TAFA4: variants seen among roughly 807,000 people sequenced by gnomAD.
TAFA4 encodes the protein TAFA chemokine like family member 4, also known as chemokine-like protein TAFA-4.
Under a neutral mutation model 21.1 loss-of-function variants are expected in TAFA4, and 20 were observed. The observed-to-expected ratio is 0.95, with a 90% CI of 0.67 to 1.38. TAFA4 has a LOEUF of 1.38. TAFA4 is among the 40% of genes most tolerant of loss of function. The pLI is 0.00. For synonymous variants in TAFA4, 71 were observed against 67.4 expected (o/e 1.05, Z -0.26); for missense variants, 211 against 180.9 (o/e 1.17, Z -0.95).
intron 3 of TAFA4, among the ~76,000 whole-genome samples, chr3:68,778,145 T>G (rs923726407): frequency 6.6e-6 from 1 of 152,132 alleles, no homozygotes; most frequent in Non-Finnish European, 1.5e-5. Context: ...TTGCTGTCTA[T>G]AAGAAACCCA....
At chr3:68,830,295 G>C (rs1282481328) in intron 3 of TAFA4, among the ~76,000 whole-genome samples, 1 of 152,154 alleles carries the variant, frequency 6.6e-6, no homozygotes, top group East Asian at 1.9e-4. Context: ...GTCAATTTTA[G>C]ATCTTTCCTG....
intron 4 of TAFA4, among the ~76,000 whole-genome samples, chr3:68,746,654 C>T (rs964135061): frequency 2.0e-5 from 2 of 98,656 alleles, no homozygotes; most frequent in African/African-American, 6.1e-5. Flanking sequence ...AGTTAGAGCA[C>T]TAACCATTTT....
chr3:68,747,776 T>C (rs1341439622), intron 4 of TAFA4, among the ~76,000 whole-genome samples: 1 of 152,186 alleles, frequency 6.6e-6, no homozygotes, highest in Non-Finnish European at 1.5e-5. Flanking sequence ...TAAACTTTGT[T>C]CATAATACTT....
chr3:68,879,858 T>C (rs769423563), intron 3 of TAFA4, among the ~76,000 whole-genome samples: 2 of 152,162 alleles, frequency 1.3e-5, no homozygotes. Flanking sequence ...CCATACGTGA[T>C]TTAGGGTTCA....
chr3:68,908,969 T>C (rs2089929713), intron 1 of TAFA4, among the ~76,000 whole-genome samples: 1 of 152,190 alleles, frequency 6.6e-6, no homozygotes, highest in African/African-American at 2.4e-5. Context: ...ATTCTCTATC[T>C]CCAATGCAGT....
At chr3:68,733,208 C>T in intron 5 of TAFA4, 55 bp from the exon 6 acceptor site, 1 of 1,591,706 alleles carries the variant, frequency 6.3e-7, no homozygotes. Flanking sequence ...CCGAAATAAC[C>T]ATTCCTGCCC....
chr3:68,885,196 G>A lies in TAFA4; in HGVS notation c.-8C>T. 1 of 1,612,348 alleles carries A rather than the reference G, an allele frequency of 6.2e-7. No homozygotes were observed. The highest frequency in any genetic ancestry group is 8.5e-7 in the Non-Finnish European group (1 of 1,179,156). On this transcript the variant is annotated 5_prime_UTR_variant, in exon 2 of 6. Transcript: ENST00000295569. ...TTACCTTGGGGACCTCATAAGATGT[G>A]GTTCTAGTCAAACACACTTATTCCA...
intron 3 of TAFA4, among the ~76,000 whole-genome samples, chr3:68,794,227 C>T (rs775585689): frequency 6.6e-6 from 1 of 152,110 alleles, no homozygotes; most frequent in Non-Finnish European, 1.5e-5. Flanking sequence ...AAGACTACTC[C>T]AATTAATTTG....
At position 68,868,334 on chromosome 3, in the gene TAFA4, T is replaced by C. The variant is rs1031321924; in HGVS notation, c.130+12396A>G. On this transcript the variant is annotated intron_variant, in intron 3 of 5. Transcript: ENST00000295569. The stretch of plus-strand genomic sequence containing the variant: ...TATATGCACCCAAATATATATATAA[T>C]GTACAGATCATCCAGACAGAAAAAT... Among the ~76,000 whole-genome samples the C allele has an allele frequency of 2.6e-5, 4 of 152,044 alleles. No individual in the cohort carries two copies. In the East Asian group the frequency reaches 7.7e-4, roughly 29 times the overall value.
intron 3 of TAFA4, among the ~76,000 whole-genome samples, chr3:68,798,444 A>G (rs2106823484): frequency 6.6e-6 from 1 of 152,364 alleles, no homozygotes; most frequent in Non-Finnish European, 1.5e-5. Context: ...TAAAATAACC[A>G]GAAGTAATAA....
At chr3:68,912,381 G>A (rs1443263828) in intron 1 of TAFA4, among the ~76,000 whole-genome samples, 1 of 152,214 alleles carries the variant, frequency 6.6e-6, no homozygotes, top group Non-Finnish European at 1.5e-5. Flanking sequence ...CTCAAGGACA[G>A]AACCAAAATG....
intron 5 of TAFA4, among the ~76,000 whole-genome samples, 196 bp from the exon 6 acceptor site, chr3:68,733,349 C>A (rs942079141): frequency 6.6e-6 from 1 of 152,110 alleles, no homozygotes; most frequent in African/African-American, 2.4e-5. Context: ...AATACATGCA[C>A]AAAGACTTCC....
At chr3:68,809,630 A>G (rs1300017171) in intron 3 of TAFA4, among the ~76,000 whole-genome samples, 2 of 150,216 alleles carry the variant, frequency 1.3e-5, no homozygotes, top group African/African-American at 2.5e-5. Flanking sequence ...AAAAAAAATT[A>G]TTGCCCAGAT....
rs145791027 is a variant in TAFA4, at chr3:68,778,436, G to C, written c.131-25418C>G. On this transcript the variant is annotated intron_variant, in intron 3 of 5. Transcript: ENST00000295569. ...TCATGGAACTAAAAGAAATAGACAA[G>C]CACGCAATTACAGTTGGAGACTGAT... 5.2e-3 allele frequency among the ~76,000 whole-genome samples: 793 copies of C among 152,278 alleles called. 3 individuals are homozygous for C. Among genetic ancestry groups the C allele is most frequent in the Middle Eastern group, 0.02 (6 of 294 alleles).
chr3:68,853,157 AT>A (rs1353385707), intron 3 of TAFA4, among the ~76,000 whole-genome samples: 2 of 152,190 alleles, frequency 1.3e-5, no homozygotes, highest in Admixed American at 1.3e-4. Context: ...TCAGATAGAT[AT>A]AAACTTAGAG....
intron 3 of TAFA4, among the ~76,000 whole-genome samples, chr3:68,869,494 A>T (rs375718128): frequency 1.3e-5 from 2 of 152,102 alleles, no homozygotes; most frequent in East Asian, 3.9e-4. Context: ...ATGACACAAT[A>T]AAAAGATCAT....
chr3:68,884,151 A>T (rs2089647461), intron 2 of TAFA4, among the ~76,000 whole-genome samples: 2 of 152,240 alleles, frequency 1.3e-5, no homozygotes, highest in African/African-American at 4.8e-5. Context: ...GAATTATATG[A>T]CAGCCTGGGC....
At chr3:68,754,497 T>C (rs1702621676) in intron 3 of TAFA4, among the ~76,000 whole-genome samples, 1 of 152,186 alleles carries the variant, frequency 6.6e-6, no homozygotes, top group African/African-American at 2.4e-5. Context: ...TTTAGCAGAT[T>C]GTCCCAGAAG....
At chr3:68,809,503 T>C (rs1168396525) in intron 3 of TAFA4, among the ~76,000 whole-genome samples, 1 of 146,308 alleles carries the variant, frequency 6.8e-6, no homozygotes, top group African/African-American at 2.5e-5. Flanking sequence ...ATATTATTAA[T>C]GTCTCCACTA....
Sources: gnomAD v4.1 joint callset for allele counts (sites outside exome capture counted in the v4.1 genomes callset) on GRCh38, gnomAD v4.1.1 for gene constraint, MANE v1.5 for transcripts, NCBI Gene and HGNC (gene_info 2026-07-23, HGNC 2026-07-21) for gene names.